Variants in AIG1 observed in about 807,000 individuals in gnomAD.
The protein encoded by AIG1 is androgen induced 1, also known as androgen-induced gene 1 protein.
Under a neutral mutation model 31.4 loss-of-function variants are expected in AIG1, and 23 were observed. That is an observed-to-expected ratio of 0.73 (90% CI 0.53 to 1.04). The LOEUF is 1.04. Ranked by LOEUF, AIG1 falls within the 50% of genes least tolerant of loss-of-function variation. The pLI, the probability that AIG1 is intolerant of heterozygous loss-of-function variation, is 0.00. For missense variants in AIG1, 274 were observed against 295.0 expected (o/e 0.93, Z 0.52); for synonymous variants, 100 against 110.5 (o/e 0.90, Z 0.60).
At chr6:143,253,823 G>C (rs1795179777) in intron 3 of AIG1, among the ~76,000 whole-genome samples, 1 of 152,116 alleles carries the variant, frequency 6.6e-6, no homozygotes, top group Non-Finnish European at 1.5e-5. Flanking sequence ...CGAAGTTACT[G>C]GTCTTGGTTT....
At chr6:143,342,626 G>C (rs868014598), downstream of AIG1, 88 of 1,112,116 alleles carry the variant, frequency 7.9e-5, 1 homozygote, top group Middle Eastern at 3.7e-3. Flanking sequence ...CTGAAATCCA[G>C]GGGTCCAGAG....
rs1796310483 is a variant in AIG1 at position 143,268,646 on chromosome 6, C to G, written c.400-15464C>G. ...CTGTAAGTGCCAATGTCAGCAGATT[C>G]ATAACCCTGCAGCGCAATTTTGGAT... On this transcript the variant is annotated intron_variant, in intron 3 of 5. Coordinates refer to ENST00000357847, the MANE Select transcript of AIG1 (RefSeq NM_016108.4). The surrounding 1 kb of genome is among the most constrained non-coding windows in gnomAD (Gnocchi z 5.0). Among the ~76,000 whole-genome samples the G allele has an allele frequency of 6.6e-6, 1 of 152,232 alleles. No individual in the cohort carries two copies. The highest frequency in any genetic ancestry group is 2.4e-5 in the African/African-American group (1 of 41,462).
chr6:143,095,281 A>G (rs1779650711), intron 1 of AIG1, among the ~76,000 whole-genome samples: 1 of 152,186 alleles, frequency 6.6e-6, no homozygotes, highest in Admixed American at 6.5e-5. Context: ...GAAAAAAATA[A>G]TAAAACAAAA....
At chr6:143,125,319 G>A (rs1782601986) in intron 1 of AIG1, among the ~76,000 whole-genome samples, 1 of 152,126 alleles carries the variant, frequency 6.6e-6, no homozygotes, top group East Asian at 1.9e-4. Flanking sequence ...TTAGAGGTTA[G>A]GCACTTAAAA....
At chr6:143,269,062 G>A (rs1358711703) in intron 3 of AIG1, among the ~76,000 whole-genome samples, 3 of 152,184 alleles carry the variant, frequency 2.0e-5, no homozygotes, top group African/African-American at 7.2e-5. Context: ...CCCTTGTTCA[G>A]ACTGCATTGC....
chr6:143,318,246 T>C (rs1775925944), intron 4 of AIG1, among the ~76,000 whole-genome samples: 1 of 152,098 alleles, frequency 6.6e-6, no homozygotes, highest in Non-Finnish European at 1.5e-5. Context: ...TGTAAGGCCA[T>C]AGTCACCAAA....
chr6:143,205,443 A>C (rs1791038404), intron 3 of AIG1, among the ~76,000 whole-genome samples: 1 of 152,174 alleles, frequency 6.6e-6, no homozygotes, highest in Non-Finnish European at 1.5e-5. Context: ...TTTGATAAGT[A>C]TCTTTAGAAG....
intron 1 of AIG1, among the ~76,000 whole-genome samples, chr6:143,098,034 C>T (rs899582767): frequency 2.0e-5 from 3 of 152,210 alleles, no homozygotes; most frequent in African/African-American, 2.4e-5. Context: ...AGTCCACAAA[C>T]ATAGTGTGCT....
chr6:143,296,777 A>G (rs1885649), intron 4 of AIG1, among the ~76,000 whole-genome samples: 110,982 of 152,168 alleles, frequency 0.73, 42,195 homozygotes, highest in East Asian at 1. Context: ...CATATAAAAC[A>G]TTGACTTTGT....
chr6:143,265,832 C>T (rs1365023250), intron 3 of AIG1, among the ~76,000 whole-genome samples: 1 of 152,206 alleles, frequency 6.6e-6, no homozygotes, highest in Non-Finnish European at 1.5e-5. Flanking sequence ...CACTCATTCC[C>T]TCATTCCATA....
At chr6:143,310,757 G>A (rs1289331337) in intron 4 of AIG1, among the ~76,000 whole-genome samples, 1 of 151,400 alleles carries the variant, frequency 6.6e-6, no homozygotes, top group Non-Finnish European at 1.5e-5. Context: ...ATAAATGAAA[G>A]AGGAATCCCA....
chr6:143,285,422 G>A (rs773289366), intron 4 of AIG1, among the ~76,000 whole-genome samples: 3 of 151,108 alleles, frequency 2.0e-5, no homozygotes, highest in Non-Finnish European at 3.0e-5. Context: ...AGCACTTTGG[G>A]ACGCCCAGGC....
At chr6:143,067,564 G>A (rs79685259) in intron 1 of AIG1, among the ~76,000 whole-genome samples, 1 of 152,022 alleles carries the variant, frequency 6.6e-6, no homozygotes, top group African/African-American at 2.4e-5. Flanking sequence ...AAAATAAGCT[G>A]CTTAAGTATA....
chr6:143,304,955 G>A (rs966227404), intron 4 of AIG1, among the ~76,000 whole-genome samples: 6 of 152,296 alleles, frequency 3.9e-5, no homozygotes, highest in African/African-American at 1.4e-4. Context: ...TTAGTCCTGG[G>A]AGGGTGTATG....
At chr6:143,121,541 C>T (rs137977855) in intron 1 of AIG1, among the ~76,000 whole-genome samples, 2 of 152,264 alleles carry the variant, frequency 1.3e-5, no homozygotes, top group Non-Finnish European at 2.9e-5. Context: ...GACAGAATTG[C>T]CACAAAGATG....
intron 3 of AIG1, among the ~76,000 whole-genome samples, chr6:143,282,737 A>G (rs1193344608): frequency 6.6e-6 from 1 of 152,234 alleles, no homozygotes; most frequent in Non-Finnish European, 1.5e-5. Context: ...CACTGTCTTA[A>G]TATTTCTTAC....
At chr6:143,168,600 A>C (rs1051899132) in intron 3 of AIG1, among the ~76,000 whole-genome samples, 1 of 151,938 alleles carries the variant, frequency 6.6e-6, no homozygotes, top group Non-Finnish European at 1.5e-5. Context: ...ATCCATTCCA[A>C]ATTTCTTACC....
rs1053220290 is a variant in AIG1, at chr6:143,299,881, C to T, written c.515+15656C>T. On this transcript the variant is annotated intron_variant, in intron 4 of 5. Transcript: ENST00000357847. The surrounding 1 kb of genome is among the most constrained non-coding windows in gnomAD (Gnocchi z 4.1). ...AGTCTGAGATCAGATGTCACATCCT[C>T]CAGAAGCTTTCCCTGACATTCTGAG... Among the ~76,000 whole-genome samples the T allele has an allele frequency of 2.6e-5, 4 of 152,196 alleles. No homozygotes were observed. Among genetic ancestry groups the T allele is most frequent in the Non-Finnish European group, 5.9e-5 (4 of 68,034 alleles).
chr6:143,294,973 C>T (rs1288506830), intron 4 of AIG1, among the ~76,000 whole-genome samples: 3 of 152,098 alleles, frequency 2.0e-5, no homozygotes, highest in Non-Finnish European at 2.9e-5. Context: ...GCCTCCATTT[C>T]GGAACTCCAT....
Sources: gnomAD v4.1 joint callset for allele counts (sites outside exome capture counted in the v4.1 genomes callset) on GRCh38, gnomAD v4.1.1 for gene constraint, Gnocchi (gnomAD v3.1) non-coding constraint, MANE v1.5 for transcripts, NCBI Gene and HGNC (gene_info 2026-07-23, HGNC 2026-07-21) for gene names.